RAB27B: variants seen among roughly 807,000 people sequenced by gnomAD.
RAB27B encodes RAB27B, member RAS oncogene family, also known as ras-related protein Rab-27B.
In RAB27B, 15 loss-of-function variants were observed where a neutral mutation model predicts 24.6. That is an observed-to-expected ratio of 0.61 (90% CI 0.41 to 0.94). RAB27B has a LOEUF of 0.94. RAB27B is among the 40% of genes least tolerant of loss of function. The pLI is 0.00. For missense variants in RAB27B, 261 were observed against 266.8 expected (o/e 0.98, Z 0.15); for synonymous variants, 105 against 92.5 (o/e 1.14, Z -0.78).
At chr18:54,756,002 T>C (rs751124052) in intron 2 of RAB27B, among the ~76,000 whole-genome samples, 13 of 152,214 alleles carry the variant, frequency 8.5e-5, no homozygotes, top group Non-Finnish European at 1.6e-4. Context: ...TGATTGGCTG[T>C]TTCAGTAGGG....
intron 1 of RAB27B, among the ~76,000 whole-genome samples, chr18:54,876,920 A>G (rs1334307693): frequency 6.6e-6 from 1 of 152,060 alleles, no homozygotes. Context: ...TTAAAACACA[A>G]GTCTATAACT....
At chr18:54,857,157 C>T (rs1259745446) in intron 1 of RAB27B, among the ~76,000 whole-genome samples, 1 of 152,148 alleles carries the variant, frequency 6.6e-6, no homozygotes, top group Non-Finnish European at 1.5e-5. Context: ...CTTTTTGAAG[C>T]ATCCTGTTCC....
upstream of RAB27B, among the ~76,000 whole-genome samples, chr18:54,826,667 C>T (rs911333600): frequency 8.5e-5 from 13 of 152,126 alleles, no homozygotes; most frequent in African/African-American, 2.4e-4. Context: ...ATGGCAGGAA[C>T]CTTTTCTAGA....
intron 2 of RAB27B, among the ~76,000 whole-genome samples, chr18:54,776,189 C>T (rs1410855667): frequency 6.6e-6 from 1 of 152,240 alleles, no homozygotes; most frequent in Non-Finnish European, 1.5e-5. Context: ...TGCCCATAAT[C>T]CTGGAAATGG....
At chr18:54,803,666 G>A (rs1011840314) in intron 2 of RAB27B, among the ~76,000 whole-genome samples, 5 of 152,150 alleles carry the variant, frequency 3.3e-5, no homozygotes, top group African/African-American at 1.2e-4. Flanking sequence ...ACAAATAGAA[G>A]TGAACAGACT....
At chr18:54,852,422 C>G (rs1225168927) in intron 1 of RAB27B, among the ~76,000 whole-genome samples, 5 of 152,192 alleles carry the variant, frequency 3.3e-5, no homozygotes, top group African/African-American at 4.8e-5. Flanking sequence ...TGAGATTCCA[C>G]CTTTCTTCAC....
chr18:54,812,550 AACACAC>A (rs10595171), intron 2 of RAB27B, among the ~76,000 whole-genome samples: 4,411 of 139,156 alleles, frequency 0.032, 82 homozygotes, highest in African/African-American at 0.05. Context: ...GAACTCCTTT[AACACAC>A]ACACACACAC....
At chr18:54,741,667 G>T (rs1276038829) in intron 2 of RAB27B, among the ~76,000 whole-genome samples, 6 of 151,752 alleles carry the variant, frequency 4.0e-5, no homozygotes, top group Non-Finnish European at 7.4e-5. Flanking sequence ...CTAATTTTTT[G>T]TTTGTTTGTA....
At chr18:54,775,820 G>A (rs563306454) in intron 2 of RAB27B, among the ~76,000 whole-genome samples, 1 of 152,242 alleles carries the variant, frequency 6.6e-6, no homozygotes, top group African/African-American at 2.4e-5. Flanking sequence ...TCTTGCCAAT[G>A]CACCGGTCAC....
At chr18:54,749,133 T>C (rs1907744465) in intron 2 of RAB27B, among the ~76,000 whole-genome samples, 1 of 152,156 alleles carries the variant, frequency 6.6e-6, no homozygotes, top group South Asian at 2.1e-4. Flanking sequence ...TCCTTCCTGG[T>C]TATCTGATGA....
At chr18:54,732,041 A>G (rs1909747808) in intron 2 of RAB27B, among the ~76,000 whole-genome samples, 1 of 152,232 alleles carries the variant, frequency 6.6e-6, no homozygotes, top group Admixed American at 6.5e-5. Flanking sequence ...GGGAAGACAT[A>G]CTGAGTATTG....
chr18:54,797,808 A>G (rs539317389), intron 2 of RAB27B, among the ~76,000 whole-genome samples: 29 of 152,274 alleles, frequency 1.9e-4, no homozygotes, highest in African/African-American at 6.3e-4. Context: ...GTAGATTTTT[A>G]AAGACAGTTT....
At position 54,884,229 on chromosome 18, in the gene RAB27B, G is replaced by A. The variant is rs1226684470; in HGVS notation, c.240-104G>A. ...CATTTCCCTAAGATATTCCATAAGG[G>A]CCAGTCACGGAGAATTCATACCTGA... On this transcript the variant is annotated intron_variant, in intron 3 of 5. Coordinates refer to ENST00000262094, the MANE Select transcript of RAB27B (RefSeq NM_004163.4). 9.0e-6 allele frequency: 6 copies of A among 664,782 alleles called. No homozygotes were observed. In the East Asian group the frequency reaches 1.3e-4, roughly 15 times the overall value. 41.2% of individuals were successfully genotyped at this position (664,782 alleles called of 1,614,324 possible).
intron 2 of RAB27B, among the ~76,000 whole-genome samples, chr18:54,784,113 T>C (rs1296196019): frequency 2.0e-5 from 3 of 152,292 alleles, no homozygotes; most frequent in East Asian, 3.9e-4. Context: ...TGCTAACCTA[T>C]GGCTGGAGAG....
chr18:54,718,426 T>G (rs1172005141), intron 2 of RAB27B, among the ~76,000 whole-genome samples: 1 of 152,170 alleles, frequency 6.6e-6, no homozygotes, highest in Non-Finnish European at 1.5e-5. Flanking sequence ...ACTGCGTGCA[T>G]GGATTCTGCT....
intron 1 of RAB27B, among the ~76,000 whole-genome samples, chr18:54,858,223 A>G (rs1911861647): frequency 6.6e-6 from 1 of 152,234 alleles, no homozygotes; most frequent in African/African-American, 2.4e-5. Context: ...TAATGTATTC[A>G]TAGAGCAAAT....
rs1212128133 is a variant in RAB27B at position 54,890,183 on chromosome 18, G to A, written c.*770G>A. The A allele has an allele frequency of 6.6e-6, 1 of 152,066 alleles. No homozygotes were observed. Among genetic ancestry groups the A allele is most frequent in the Non-Finnish European group, 1.5e-5 (1 of 67,962 alleles). 9.4% of individuals were successfully genotyped at this position (152,066 alleles called of 1,614,324 possible). On this transcript the variant is annotated 3_prime_UTR_variant, in exon 6 of 6. Coordinates refer to ENST00000262094, the MANE Select transcript of RAB27B (RefSeq NM_004163.4). ...ATGTATCTGTTAGAGATGTCTGGAA[G>A]GGTTACTTAGCCAAATTTTACTCAA... is the stretch of plus-strand genomic sequence containing the variant.
chr18:54,825,885 C>T (rs951780007), upstream of RAB27B, among the ~76,000 whole-genome samples: 8 of 152,188 alleles, frequency 5.3e-5, no homozygotes, highest in African/African-American at 1.7e-4. Context: ...GAGATTTCTG[C>T]CTCCTAGGCC....
intron 2 of RAB27B, among the ~76,000 whole-genome samples, chr18:54,782,875 A>G (rs1908958928): frequency 6.6e-6 from 1 of 152,254 alleles, no homozygotes; most frequent in Admixed American, 6.5e-5. Context: ...ACCCTGTACA[A>G]AAACAGAAAA....
Sources: gnomAD v4.1 joint callset for allele counts (sites outside exome capture counted in the v4.1 genomes callset) on GRCh38, gnomAD v4.1.1 for gene constraint, MANE v1.5 for transcripts, NCBI Gene and HGNC (gene_info 2026-07-23, HGNC 2026-07-21) for gene names.